Variants in DCC observed in about 807,000 individuals in gnomAD.
The protein encoded by DCC is DCC netrin 1 receptor.
In DCC, 58 loss-of-function variants were observed where a neutral mutation model predicts 172.5. The ratio of observed to expected loss-of-function variants is 0.34; its 90% CI spans 0.27 to 0.42. The LOEUF (loss-of-function observed/expected upper bound fraction) is 0.42, where lower values mean the gene tolerates loss of function less well. Ranked by LOEUF, DCC falls within the 10% of genes least tolerant of loss-of-function variation. The pLI is 1.00. For synonymous variants in DCC, 709 were observed against 644.5 expected, an observed-to-expected ratio of 1.10 and a Z score of -1.52; for missense variants, 1,740 against 1,791.0, an observed-to-expected ratio of 0.97 and a Z score of 0.51.
intron 2 of DCC, among the ~76,000 whole-genome samples, chr18:52,758,418 T>C (rs557849363): frequency 8.1e-4 from 124 of 152,294 alleles, no homozygotes; most frequent in Non-Finnish European, 1.3e-3. Context: ...TCTTCCCTAT[T>C]ACAATAGATG....
chr18:53,050,457 C>T (rs1374522663), intron 5 of DCC, among the ~76,000 whole-genome samples: 1 of 152,068 alleles, frequency 6.6e-6, no homozygotes, highest in Non-Finnish European at 1.5e-5. Context: ...CTTTCAGCAG[C>T]GATTTGTAAT....
intron 1 of DCC, among the ~76,000 whole-genome samples, chr18:52,498,852 C>A (rs553612901): frequency 6.6e-6 from 1 of 152,110 alleles, no homozygotes; most frequent in East Asian, 1.9e-4. Flanking sequence ...GGATTAGAGA[C>A]CCACTCTCAT....
intron 1 of DCC, among the ~76,000 whole-genome samples, chr18:52,494,287 TGTG>T (rs2030653844): frequency 6.6e-6 from 1 of 151,644 alleles, no homozygotes; most frequent in Non-Finnish European, 1.5e-5. Flanking sequence ...TGTGTGTGTG[TGTG>T]TGTCTGTGCC....
At chr18:52,549,108 A>G (rs2032694659) in intron 1 of DCC, among the ~76,000 whole-genome samples, 1 of 152,058 alleles carries the variant, frequency 6.6e-6, no homozygotes, top group South Asian at 2.1e-4. Context: ...TGCACTTTTC[A>G]TGGTCTTTAC....
rs570593468 is a variant in DCC, at chr18:52,606,254, T to A, written c.92-145800T>A. Among the ~76,000 whole-genome samples the A allele has an allele frequency of 1.8e-3, 280 of 152,198 alleles. 1 individual carries two copies. The highest frequency in any genetic ancestry group is 6.5e-3 in the African/African-American group (272 of 41,552). ...ACTACTACACAGTGCTACCATTTAC[T>A]ATCTATGTATTGTTGGACAAGTTGC... is the stretch of plus-strand genomic sequence containing the variant. On this transcript the variant is annotated intron_variant, in intron 1 of 28. Transcript: ENST00000442544.
intron 12 of DCC, among the ~76,000 whole-genome samples, chr18:53,303,434 T>C (rs2057163590): frequency 2.0e-5 from 3 of 152,240 alleles, no homozygotes; most frequent in Admixed American, 1.3e-4. Flanking sequence ...TCCACTTCCT[T>C]TATGCTAAGG....
Position 52,603,591 on chromosome 18 carries a change from T to TACACACAC in DCC, c.92-148435_92-148428dup, listed in dbSNP as rs10553153. 5.7e-3 allele frequency among the ~76,000 whole-genome samples: 827 copies of TACACACAC among 144,682 alleles called. 11 individuals carry two copies. The highest frequency in any genetic ancestry group is 0.014 in the African/African-American group (548 of 39,106). 94.9% of individuals were successfully genotyped at this position (144,682 alleles called of 152,430 possible). A position where few individuals can be genotyped will look rare whatever the true frequency, so the allele number is the denominator to read the frequency against. ...TAGAAACCCTAAAATGTGAAGTTAA[T>TACACACAC]ACACACACACACACACACACACACA... is the stretch of plus-strand genomic sequence containing the variant. On this transcript the variant is annotated intron_variant, in intron 1 of 28. Transcript: ENST00000442544.
chr18:53,284,324 C>A (rs1200881419), intron 12 of DCC, among the ~76,000 whole-genome samples: 1 of 152,126 alleles, frequency 6.6e-6, no homozygotes, highest in Non-Finnish European at 1.5e-5. Flanking sequence ...AATTGTAACT[C>A]CCACAATCCC....
chr18:52,654,183 T>C (rs2035199719), intron 1 of DCC, among the ~76,000 whole-genome samples: 1 of 152,178 alleles, frequency 6.6e-6, no homozygotes, highest in South Asian at 2.1e-4. Context: ...AAGCCCTTGA[T>C]AGGTATTGTG....
At chr18:52,404,006 A>C (rs546843619) in intron 1 of DCC, among the ~76,000 whole-genome samples, 7 of 152,154 alleles carry the variant, frequency 4.6e-5, no homozygotes, top group Admixed American at 1.3e-4. Flanking sequence ...TTAGATTCAG[A>C]ATGGTCATTT....
rs74254713 is a variant in DCC, at chr18:53,466,288, C to T, written c.3620-1606C>T. ...TAGGAAACTTTTTTAGTATTTTTACCATTAGGGTGCACTTCTTTGGTAGAT... is the reference window on the plus strand; with the variant it reads ...TAGGAAACTTTTTTAGTATTTTTACTATTAGGGTGCACTTCTTTGGTAGAT... On this transcript the variant is annotated intron_variant, in intron 24 of 28. Transcript: ENST00000442544. Among the ~76,000 whole-genome samples, 582 of 152,098 alleles carry T rather than the reference C, an allele frequency of 3.8e-3. 10 individuals are homozygous for T. The East Asian group carries it at 0.063, about 16-fold the overall frequency.
At chr18:53,467,761 A>G (rs2045639120) in intron 24 of DCC, 133 bp from the exon 25 acceptor site, 2 of 748,812 alleles carry the variant, frequency 2.7e-6, no homozygotes. Flanking sequence ...AAATAGATTC[A>G]GGTAACAAGA....
chr18:52,707,975 T>A (rs1313833261), intron 1 of DCC, among the ~76,000 whole-genome samples: 1 of 152,144 alleles, frequency 6.6e-6, no homozygotes, highest in Non-Finnish European at 1.5e-5. Flanking sequence ...TATTATATAG[T>A]TGAAAATAGC....
At chr18:53,115,539 T>C (rs1438109418) in intron 7 of DCC, among the ~76,000 whole-genome samples, 1 of 151,540 alleles carries the variant, frequency 6.6e-6, no homozygotes, top group African/African-American at 2.4e-5. Flanking sequence ...ATTTCACTCT[T>C]AGATTTGATT....
At chr18:53,074,371 G>A (rs72915266) in intron 7 of DCC, among the ~76,000 whole-genome samples, 8 of 152,006 alleles carry the variant, frequency 5.3e-5, no homozygotes, top group Non-Finnish European at 7.4e-5. Context: ...TCCATCATTG[G>A]TCCAAATGCA....
At chr18:52,919,569 G>A (rs2040089120) in intron 3 of DCC, among the ~76,000 whole-genome samples, 1 of 151,690 alleles carries the variant, frequency 6.6e-6, no homozygotes, top group Non-Finnish European at 1.5e-5. Flanking sequence ...ACTGAAATGA[G>A]CCAAGTCAAG....
chr18:53,038,027 A>G (rs922438272), intron 5 of DCC, among the ~76,000 whole-genome samples: 1 of 152,020 alleles, frequency 6.6e-6, no homozygotes, highest in Non-Finnish European at 1.5e-5. Context: ...CAGATGATAC[A>G]GTCTCAAATG....
intron 5 of DCC, among the ~76,000 whole-genome samples, chr18:52,926,643 G>A (rs1294459499): frequency 2.0e-5 from 3 of 151,368 alleles, no homozygotes; most frequent in Non-Finnish European, 4.4e-5. Flanking sequence ...ATTTACACTG[G>A]TCATAGGTAA....
intron 2 of DCC, among the ~76,000 whole-genome samples, chr18:52,902,843 C>T (rs770859419): frequency 6.6e-6 from 1 of 152,174 alleles, no homozygotes; most frequent in Non-Finnish European, 1.5e-5. Context: ...AAAGAAAAGA[C>T]TATGCATCAT....
Sources: gnomAD v4.1 joint callset for allele counts (sites outside exome capture counted in the v4.1 genomes callset) on GRCh38, gnomAD v4.1.1 for gene constraint, MANE v1.5 for transcripts, NCBI Gene and HGNC (gene_info 2026-07-23, HGNC 2026-07-21) for gene names.